Variants in SULF2 observed in about 807,000 individuals in gnomAD.
The protein encoded by SULF2 is extracellular sulfatase Sulf-2.
In SULF2, 52 loss-of-function variants were observed where a neutral mutation model predicts 107.7. The observed-to-expected ratio is 0.48, with a 90% CI of 0.39 to 0.61. SULF2 has a LOEUF of 0.61. Ranked by LOEUF, SULF2 falls within the 20% of genes least tolerant of loss-of-function variation. The probability of loss-of-function intolerance (pLI) is 0.00; values close to 1 mark genes in which losing one functional copy is unlikely to be tolerated. For missense variants in SULF2, 993 were observed against 1,177.3 expected (o/e 0.84, Z 2.29); for synonymous variants, 460 against 464.3 (o/e 0.99, Z 0.12).
intron 3 of SULF2, among the ~76,000 whole-genome samples, chr20:47,707,740 T>C (rs2088795425): frequency 1.3e-5 from 2 of 152,214 alleles, no homozygotes; most frequent in African/African-American, 4.8e-5. Context: ...GCAGGAAGAC[T>C]GTACTTCTTC....
chr20:47,729,715 C>T (rs1458777904), intron 3 of SULF2, among the ~76,000 whole-genome samples: 1 of 152,128 alleles, frequency 6.6e-6, no homozygotes. Context: ...TGGACTCATG[C>T]TTGATGTGCT....
intron 3 of SULF2, among the ~76,000 whole-genome samples, chr20:47,723,059 T>G (rs1730281671): frequency 6.6e-6 from 1 of 151,402 alleles, no homozygotes. Flanking sequence ...AGAGCAAGAC[T>G]CCGTCTCAAA....
intron 18 of SULF2, among the ~76,000 whole-genome samples, 183 bp from the exon 19 acceptor site, chr20:47,659,913 C>T (rs1305231874): frequency 6.6e-6 from 1 of 152,196 alleles, no homozygotes; most frequent in Non-Finnish European, 1.5e-5. Context: ...TGCCCTAAGT[C>T]TCCTAGATAG....
At chr20:47,760,992 C>A (rs1001802358) in intron 1 of SULF2, among the ~76,000 whole-genome samples, 1 of 152,202 alleles carries the variant, frequency 6.6e-6, no homozygotes, top group Non-Finnish European at 1.5e-5. Context: ...TAACTTAACA[C>A]CTTTGTGCCT....
chr20:47,731,361 T>C (rs561850813), intron 3 of SULF2, among the ~76,000 whole-genome samples: 56 of 151,954 alleles, frequency 3.7e-4, no homozygotes, highest in Non-Finnish European at 7.1e-4. Flanking sequence ...CCTGGCTAAT[T>C]TTTGTATTTT....
chr20:47,773,736 C>CA (rs1417926014), intron 1 of SULF2, among the ~76,000 whole-genome samples: 3 of 152,236 alleles, frequency 2.0e-5, no homozygotes, highest in Admixed American at 6.5e-5. Flanking sequence ...TGAACAGAGT[C>CA]ATTATTCACG....
chr20:47,688,874 T>C (rs60211866), intron 5 of SULF2, among the ~76,000 whole-genome samples: 27,448 of 152,182 alleles, frequency 0.18, 2,619 homozygotes, highest in African/African-American at 0.19. Flanking sequence ...ATTCAGATTG[T>C]AATGAAGCCA....
Position 47,736,690 on chromosome 20 carries a change from C to A in SULF2, c.415+13G>T. The A allele has an allele frequency of 6.2e-7, 1 of 1,614,034 alleles. No individual in the cohort carries two copies. The highest frequency in any genetic ancestry group is 8.5e-7 in the Non-Finnish European group (1 of 1,179,964). ...GTCACTCCCTTCCTGCACCTGCCCC[C>A]GTCCCTGCTCACCTGTCCGGTAGCC... On this transcript the variant is annotated intron_variant, in intron 3 of 20. Coordinates refer to ENST00000688720, the MANE Select transcript of SULF2 (RefSeq NM_001387048.1).
At chr20:47,689,548 C>T (rs1457222175) in intron 5 of SULF2, 1 of 152,266 alleles carries the variant, frequency 6.6e-6, no homozygotes, top group Non-Finnish European at 1.5e-5. Context: ...GACCCTGGGC[C>T]AGAAGCTCAG....
At chr20:47,772,984 T>C (rs1009290950) in intron 1 of SULF2, among the ~76,000 whole-genome samples, 7 of 152,010 alleles carry the variant, frequency 4.6e-5, no homozygotes, top group Non-Finnish European at 1.0e-4. Context: ...GTGAGTAAAG[T>C]GGCCTAGATT....
chr20:47,711,888 C>A (rs2088942050), intron 3 of SULF2, among the ~76,000 whole-genome samples: 1 of 152,104 alleles, frequency 6.6e-6, no homozygotes, highest in African/African-American at 2.4e-5. Context: ...GAATACATGA[C>A]ATATAAAAAT....
At chr20:47,759,390 C>G (rs996934944) in intron 1 of SULF2, among the ~76,000 whole-genome samples, 1 of 152,180 alleles carries the variant, frequency 6.6e-6, no homozygotes, top group African/African-American at 2.4e-5. Context: ...TGCACCTGCT[C>G]TTTTAAAAAT....
chr20:47,764,828 T>C (rs1035111654), intron 1 of SULF2, among the ~76,000 whole-genome samples: 1 of 152,060 alleles, frequency 6.6e-6, no homozygotes, highest in Non-Finnish European at 1.5e-5. Flanking sequence ...AGAAGAACAA[T>C]AATGAATGAT....
At chr20:47,731,070 G>A (rs1315110053) in intron 3 of SULF2, among the ~76,000 whole-genome samples, 1 of 152,036 alleles carries the variant, frequency 6.6e-6, no homozygotes, top group African/African-American at 2.4e-5. Context: ...TGTGGACAAG[G>A]AGGCACACAG....
intron 3 of SULF2, among the ~76,000 whole-genome samples, chr20:47,735,583 G>A (rs560428751): frequency 4.6e-5 from 7 of 152,254 alleles, no homozygotes; most frequent in Admixed American, 4.6e-4. Context: ...TGACACATGT[G>A]GCTTTCTGCA....
rs1388052103 is a variant in SULF2, at chr20:47,684,572, G to A, written c.747C>T (p.Ser249=). Residue 249 remains serine, a synonymous_variant, in exon 6 of 21, where the codon AGC becomes AGT. Coordinates refer to ENST00000688720, the MANE Select transcript of SULF2 (RefSeq NM_001387048.1). ...FPNASQHITP[S]YNYAPNPDKH... Reference sequence around the variant, plus strand: ...TGTCCGGGTTGGGCGCGTAGTTGTAGCTCGGCGTGCTGGTGGGCAAGGACA... The same window carrying A: ...TGTCCGGGTTGGGCGCGTAGTTGTAACTCGGCGTGCTGGTGGGCAAGGACA... The A allele has an allele frequency of 6.2e-7, 1 of 1,613,818 alleles. No homozygotes were observed. Among genetic ancestry groups the A allele is most frequent in the Admixed American group, 1.7e-5 (1 of 59,980 alleles).
chr20:47,726,452 A>T (rs1053904079), intron 3 of SULF2, among the ~76,000 whole-genome samples: 3 of 151,822 alleles, frequency 2.0e-5, no homozygotes, highest in Non-Finnish European at 2.9e-5. Context: ...TGGCCTCAAG[A>T]GATCCTCCTG....
rs553021347 is a variant in SULF2 at position 47,778,959 on chromosome 20, G to A, written c.-101+6384C>T. On this transcript the variant is annotated intron_variant, in intron 1 of 20. Transcript: ENST00000688720. ...CTCCCAAACTTAGGTTGCCAGCCCCGACCGGCTGCAGACATCCACGTTCAC... is the reference window on the plus strand; with the variant it reads ...CTCCCAAACTTAGGTTGCCAGCCCCAACCGGCTGCAGACATCCACGTTCAC... 2.5e-4 allele frequency among the ~76,000 whole-genome samples: 38 copies of A among 152,232 alleles called. No homozygotes were observed. In the East Asian group the frequency reaches 2.7e-3, roughly 11 times the overall value.
chr20:47,750,390 T>C (rs2090134990), intron 2 of SULF2, among the ~76,000 whole-genome samples: 1 of 152,226 alleles, frequency 6.6e-6, no homozygotes, highest in Non-Finnish European at 1.5e-5. Flanking sequence ...CCATCCCTCA[T>C]CAGTTCCATC....
Sources: gnomAD v4.1 joint callset for allele counts (sites outside exome capture counted in the v4.1 genomes callset) on GRCh38, gnomAD v4.1.1 for gene constraint, MANE v1.5 for transcripts, NCBI Gene and HGNC (gene_info 2026-07-23, HGNC 2026-07-21) for gene names.